Variants in ABLIM3 observed in about 807,000 individuals in gnomAD.
The protein encoded by ABLIM3 is actin-binding LIM protein 3.
Under a neutral mutation model 109.5 loss-of-function variants are expected in ABLIM3, and 61 were observed. The ratio of observed to expected loss-of-function variants is 0.56; its 90% confidence interval spans 0.45 to 0.69. The LOEUF is 0.69. ABLIM3 is among the 30% of genes least tolerant of loss of function. The pLI, the probability that ABLIM3 is intolerant of heterozygous loss-of-function variation, is 0.00. For synonymous variants in ABLIM3, 300 were observed against 324.8 expected (o/e 0.92, Z 0.82); for missense variants, 796 against 889.5 (o/e 0.89, Z 1.34).
At chr5:149,246,831 C>T (rs564913880) in intron 17 of ABLIM3, among the ~76,000 whole-genome samples, 1 of 152,204 alleles carries the variant, frequency 6.6e-6, no homozygotes, top group Non-Finnish European at 1.5e-5. Context: ...TAAGCAGGTG[C>T]TTGCAACCCT....
intron 8 of ABLIM3, among the ~76,000 whole-genome samples, chr5:149,227,137 C>T (rs1001881815): frequency 6.6e-6 from 1 of 150,438 alleles, no homozygotes; most frequent in Non-Finnish European, 1.5e-5. Context: ...AGGTGGGTGG[C>T]TTCCCCAACA....
intron 12 of ABLIM3, 61 bp from the exon 13 acceptor site, chr5:149,239,698 C>A (rs1752597146): frequency 1.3e-6 from 2 of 1,522,506 alleles, no homozygotes; most frequent in Non-Finnish European, 1.8e-6. Flanking sequence ...GCCTGCTAGA[C>A]CCTCGGGCCA....
At chr5:149,232,758 AG>A (rs200566302) in intron 9 of ABLIM3, among the ~76,000 whole-genome samples, 9,542 of 151,694 alleles carry the variant, frequency 0.063, 367 homozygotes, top group Admixed American at 0.099. Flanking sequence ...GTTCAGAGAC[AG>A]TTTTTTTTTT....
chr5:149,240,568 C>G, intron 13 of ABLIM3, 108 bp from the exon 14 acceptor site: 1 of 851,158 alleles, frequency 1.2e-6, no homozygotes. Flanking sequence ...CCAGCCCATC[C>G]CCCATCTCTG....
At chr5:149,240,520 G>A in intron 13 of ABLIM3, 156 bp from the exon 14 acceptor site, 2 of 637,472 alleles carry the variant, frequency 3.1e-6, no homozygotes, top group Non-Finnish European at 5.7e-6. Flanking sequence ...GAGAGCACAT[G>A]CTGCTTCCGC....
chr5:149,249,222 T>C (rs938664568), intron 18 of ABLIM3, among the ~76,000 whole-genome samples: 5 of 152,146 alleles, frequency 3.3e-5, no homozygotes, highest in African/African-American at 7.2e-5. Flanking sequence ...TGACTCTCAG[T>C]GAGATTGAAG....
At position 149,239,904 on chromosome 5, in the gene ABLIM3, GA is replaced by G. The variant is rs768938781; in HGVS notation, c.1204+17del. On this transcript the variant is annotated intron_variant, in intron 13 of 23. Transcript: ENST00000309868. ...TACCGCTCTGGTAAGGAAGGGGGAGGACCTGAAGGGAGAGGAAGAGCCAGGG... is the reference window on the plus strand; with the variant it reads ...TACCGCTCTGGTAAGGAAGGGGGAGGCCTGAAGGGAGAGGAAGAGCCAGGG... 31 of 1,590,144 alleles carry G rather than the reference GA, an allele frequency of 1.9e-5. No individual in the cohort carries two copies. Among genetic ancestry groups the G allele is most frequent in the Admixed American group, 1.2e-4 (7 of 56,530 alleles).
chr5:149,158,867 G>A (rs1287069971), intron 2 of ABLIM3, among the ~76,000 whole-genome samples: 1 of 152,164 alleles, frequency 6.6e-6, no homozygotes, highest in African/African-American at 2.4e-5. Context: ...AACATCATTA[G>A]TCATGTTAAA....
chr5:149,166,039 A>G (rs1298107081), intron 2 of ABLIM3, among the ~76,000 whole-genome samples: 5 of 152,196 alleles, frequency 3.3e-5, no homozygotes, highest in African/African-American at 9.7e-5. Flanking sequence ...TGATCCATAA[A>G]TGTGTTTTAG....
intron 8 of ABLIM3, among the ~76,000 whole-genome samples, chr5:149,223,544 C>A (rs1358609076): frequency 1.3e-5 from 2 of 152,186 alleles, no homozygotes; most frequent in East Asian, 1.9e-4. Context: ...CGTCTAGGAG[C>A]AGCACAGCTG....
At chr5:149,234,901 G>A (rs942771484) in intron 10 of ABLIM3, among the ~76,000 whole-genome samples, 1 of 152,178 alleles carries the variant, frequency 6.6e-6, no homozygotes, top group Non-Finnish European at 1.5e-5. Flanking sequence ...CTACTGAGGG[G>A]CCTTGTAAAC....
intron 6 of ABLIM3, 46 bp downstream of exon 6, chr5:149,207,180 T>G: frequency 6.3e-7 from 1 of 1,598,074 alleles, no homozygotes; most frequent in South Asian, 1.1e-5. Context: ...CTCTGCATTC[T>G]GTGAGGCCTG....
chr5:149,190,731 T>A (rs1285826191), intron 3 of ABLIM3, among the ~76,000 whole-genome samples: 1 of 152,138 alleles, frequency 6.6e-6, no homozygotes, highest in Non-Finnish European at 1.5e-5. Flanking sequence ...AGTAAAAACA[T>A]GTTTAAATTT....
At chr5:149,239,927 A>T in intron 13 of ABLIM3, 39 bp downstream of exon 13, 1 of 1,572,888 alleles carries the variant, frequency 6.4e-7, no homozygotes, top group South Asian at 1.2e-5. Context: ...AGGAAGAGCC[A>T]GGGAGACAAT....
chr5:149,255,474 A>C (rs1754348174), intron 23 of ABLIM3, among the ~76,000 whole-genome samples: 1 of 152,222 alleles, frequency 6.6e-6, no homozygotes. Context: ...GTTAGAAGGT[A>C]ATAAGTGCTA....
rs2127572184 is a variant in ABLIM3, at chr5:149,250,497, C to A, written c.1780C>A (p.Leu594Met). 1 of 1,614,178 alleles carries A rather than the reference C, an allele frequency of 6.2e-7. No homozygotes were observed. Among genetic ancestry groups the A allele is most frequent in the East Asian group, 2.2e-5 (1 of 44,862 alleles). The change falls in exon 20 of 24, where the codon CTG becomes ATG. Residue 594 changes from leucine to methionine, a missense_variant. Physicochemically the swap from Leu to Met is conservative, Grantham distance 15. Coordinates refer to ENST00000309868, the MANE Select transcript of ABLIM3 (RefSeq NM_014945.5). ...ASLPAYRRNG[L>M]HRTPSADLFH... ...CCTGCCTGCCTACCGAAGAAATGGG[C>A]TGCACAGGGTAAGAAGCTGTGCTGG...
At chr5:149,227,979 T>C (rs1028787357) in intron 8 of ABLIM3, among the ~76,000 whole-genome samples, 2 of 152,174 alleles carry the variant, frequency 1.3e-5, no homozygotes, top group Non-Finnish European at 2.9e-5. Flanking sequence ...GTGGGGCAAA[T>C]AATTATCTTC....
chr5:149,212,301 C>G (rs1759640650), intron 7 of ABLIM3, among the ~76,000 whole-genome samples: 1 of 152,082 alleles, frequency 6.6e-6, no homozygotes, highest in African/African-American at 2.4e-5. Context: ...ATGCAGAGGA[C>G]AAGGCATGAG....
At chr5:149,152,323 TCA>T (rs1215029714) in intron 2 of ABLIM3, among the ~76,000 whole-genome samples, 3 of 152,204 alleles carry the variant, frequency 2.0e-5, no homozygotes, top group Non-Finnish European at 4.4e-5. Flanking sequence ...AAGTGATTCT[TCA>T]CACAGAGATG....
Sources: gnomAD v4.1 joint callset for allele counts (sites outside exome capture counted in the v4.1 genomes callset) on GRCh38, gnomAD v4.1.1 for gene constraint, MANE v1.5 for transcripts, NCBI Gene and HGNC (gene_info 2026-07-23, HGNC 2026-07-21) for gene names.